LARP4B: variants seen among roughly 807,000 people sequenced by gnomAD.
LARP4B encodes the protein la-related protein 4B.
A neutral mutation model predicts 89.8 loss-of-function variants in LARP4B; 12 were observed. The observed-to-expected ratio is 0.13, with a 90% CI of 0.09 to 0.22. LARP4B has a LOEUF of 0.22. Among genes scored for constraint, LARP4B ranks in the 10% least tolerant of loss-of-function variants. The pLI is 1.00. For missense variants in LARP4B, 757 were observed against 947.7 expected, an observed-to-expected ratio of 0.80 and a Z score of 2.64; for synonymous variants, 367 against 363.3, an observed-to-expected ratio of 1.01 and a Z score of -0.12.
At chr10:972,913 G>A in the LARP4B span, 48 of 454,268 alleles carry the variant, frequency 1.1e-4, 1 homozygote, top group Admixed American at 9.2e-4. Context: ...GAGCCACATC[G>A]AGTTTTCTGG....
chr10:869,221 T>C (rs1050856132), intron 3 of LARP4B, among the ~76,000 whole-genome samples: 6 of 152,278 alleles, frequency 3.9e-5, no homozygotes, highest in Admixed American at 1.3e-4. Context: ...CATACAAAGA[T>C]ATAAGGAAGC....
chr10:919,971 A>C (rs1336610231), intron 1 of LARP4B, among the ~76,000 whole-genome samples: 1 of 152,242 alleles, frequency 6.6e-6, no homozygotes, highest in Non-Finnish European at 1.5e-5. Flanking sequence ...GGATTATCTA[A>C]AATGACAAAA....
chr10:943,060 C>T, the LARP4B span, among the ~76,000 whole-genome samples: 1 of 151,704 alleles, frequency 6.6e-6, no homozygotes, highest in South Asian at 2.1e-4. Flanking sequence ...GATTCTCCTG[C>T]CTTGGCCTCC....
At chr10:986,163 GA>G in the LARP4B span, 1 of 152,190 alleles carries the variant, frequency 6.6e-6, no homozygotes, top group Non-Finnish European at 1.5e-5. Flanking sequence ...AGGTAAAACA[GA>G]AAAGACCAAA....
chr10:855,071 C>T (rs947893602), intron 5 of LARP4B, among the ~76,000 whole-genome samples: 1 of 152,184 alleles, frequency 6.6e-6, no homozygotes, highest in Non-Finnish European at 1.5e-5. Flanking sequence ...ACCTCTCAGC[C>T]TTCACAGAAC....
intron 8 of LARP4B, among the ~76,000 whole-genome samples, chr10:832,278 C>T (rs1248749438): frequency 2.0e-5 from 3 of 152,076 alleles, no homozygotes; most frequent in East Asian, 1.9e-4. Flanking sequence ...CTCCTGACCT[C>T]GTGATCCGCC....
the LARP4B span, among the ~76,000 whole-genome samples, chr10:957,889 C>T: frequency 1.3e-5 from 2 of 150,736 alleles, no homozygotes; most frequent in South Asian, 2.1e-4. Context: ...CTCTGCCTCC[C>T]TGGTTCAAGC....
In LARP4B at chr10:866,581, T is replaced by C. The variant is rs77113158; in HGVS notation, c.142-2311A>G. Among the ~76,000 whole-genome samples, 884 of 152,348 alleles carry C rather than the reference T, an allele frequency of 5.8e-3. 6 individuals are homozygous for C. The highest frequency in any genetic ancestry group is 0.02 in the African/African-American group (826 of 41,582). On this transcript the variant is annotated intron_variant, in intron 3 of 17. Transcript: ENST00000316157. ...TGTTGTCTTTGTAAATTCATTTCTC[T>C]ATTCTCTTTCCCACTCTAATACTTC...
At chr10:849,414 C>A (rs1833934348) in intron 5 of LARP4B, among the ~76,000 whole-genome samples, 1 of 152,108 alleles carries the variant, frequency 6.6e-6, no homozygotes, top group Admixed American at 6.5e-5. Context: ...GCTAGAAGAA[C>A]AATTTGAGCA....
At chr10:880,861 A>C (rs1835642515) in intron 3 of LARP4B, among the ~76,000 whole-genome samples, 1 of 152,188 alleles carries the variant, frequency 6.6e-6, no homozygotes, top group African/African-American at 2.4e-5. Context: ...AAACACTTCT[A>C]CCTAATATTA....
rs1392608426 is a variant in LARP4B, at chr10:809,502, T to C, written c.*3424A>G. On this transcript the variant is annotated 3_prime_UTR_variant, in exon 18 of 18. Coordinates refer to ENST00000316157, the MANE Select transcript of LARP4B (RefSeq NM_015155.3). ...AAAACTATGTTTAGAAAAGATGCAT[T>C]ATTGAAGAAATTTTAATTTAAAAAA... is the stretch of plus-strand genomic sequence containing the variant. 6.6e-6 allele frequency: 1 copy of C among 152,228 alleles called. No individual in the cohort carries two copies. The allele number at this position is 152,228 out of a possible 1,614,324, so 9.4% of individuals were successfully genotyped here.
chr10:974,539 C>G, the LARP4B span, among the ~76,000 whole-genome samples: 18 of 152,290 alleles, frequency 1.2e-4, no homozygotes, highest in African/African-American at 3.9e-4. Context: ...CTCTTGAAGC[C>G]TTGCTCTCGG....
chr10:935,201 C>T (rs2132084548), upstream of LARP4B, among the ~76,000 whole-genome samples: 1 of 152,310 alleles, frequency 6.6e-6, no homozygotes, highest in South Asian at 2.1e-4. Context: ...CTTTACACTC[C>T]AGACTGCACA....
chr10:900,738 G>A (rs1401367313), intron 1 of LARP4B, among the ~76,000 whole-genome samples: 2 of 148,616 alleles, frequency 1.3e-5, no homozygotes, highest in Admixed American at 1.4e-4. Flanking sequence ...TCCTGCCTCA[G>A]CCTCTCGAGT....
intron 5 of LARP4B, among the ~76,000 whole-genome samples, chr10:859,659 T>C (rs774225990): frequency 6.6e-6 from 1 of 152,202 alleles, no homozygotes; most frequent in African/African-American, 2.4e-5. Context: ...GACTAAGTAA[T>C]TTGTAGTATG....
intron 1 of LARP4B, among the ~76,000 whole-genome samples, chr10:918,802 T>A (rs930459604): frequency 6.6e-6 from 1 of 151,982 alleles, no homozygotes; most frequent in Non-Finnish European, 1.5e-5. Flanking sequence ...ATGGGCCAGG[T>A]GCGGTGGCTC....
chr10:842,811 A>C (rs1410194168), intron 7 of LARP4B, 121 bp downstream of exon 7: 1 of 876,296 alleles, frequency 1.1e-6, no homozygotes, highest in Non-Finnish European at 1.7e-6. Flanking sequence ...GGAAGGCCAG[A>C]AAAGAATCTG....
chr10:910,711 G>A (rs1320002894), intron 1 of LARP4B, among the ~76,000 whole-genome samples: 1 of 152,238 alleles, frequency 6.6e-6, no homozygotes, highest in Non-Finnish European at 1.5e-5. Context: ...TCATGGCAGA[G>A]GTTTGGGATA....
chr10:893,800 G>A (rs534092367), intron 1 of LARP4B, among the ~76,000 whole-genome samples: 3 of 152,244 alleles, frequency 2.0e-5, no homozygotes, highest in South Asian at 2.1e-4. Context: ...AGCCATGCAC[G>A]GAGCCACATC....
Sources: allele counts gnomAD v4.1 joint callset (sites outside exome capture counted in the v4.1 genomes callset), GRCh38; gene constraint gnomAD v4.1.1; transcripts MANE v1.5; gene names NCBI Gene and HGNC (gene_info 2026-07-23, HGNC 2026-07-21).